COG5: variants seen among roughly 807,000 people sequenced by gnomAD.
COG5 encodes component of oligomeric golgi complex 5, also known as conserved oligomeric Golgi complex subunit 5.
COG5 carries 86 observed loss-of-function variants against 110.4 expected under a neutral mutation model. The observed-to-expected ratio is 0.78, with a 90% CI of 0.65 to 0.93. The LOEUF is 0.93. Among genes scored for constraint, COG5 ranks in the 40% least tolerant of loss-of-function variants. The pLI, the probability that COG5 is intolerant of heterozygous loss-of-function variation, is 0.00. For synonymous variants in COG5, 360 were observed against 334.6 expected (o/e 1.08, Z -0.83); for missense variants, 1,077 against 987.0 (o/e 1.09, Z -1.22).
chr7:107,220,213 G>C lies in COG5; in HGVS notation c.2169-8988C>G, dbSNP rs143086385. Among the ~76,000 whole-genome samples the C allele has an allele frequency of 3.1e-3, 474 of 152,280 alleles. 2 individuals are homozygous for C. The highest frequency in any genetic ancestry group is 4.8e-3 in the Non-Finnish European group (329 of 68,016). The stretch of plus-strand genomic sequence containing the variant: ...ATATACAGAAACAAAGACCTCTAGA[G>C]AAAGCACAATTTTGAACTGTCAACA... On this transcript the variant is annotated intron_variant, in intron 19 of 21. Coordinates refer to ENST00000297135, the MANE Select transcript of COG5 (RefSeq NM_006348.5).
At chr7:107,507,766 G>A (rs960683514) in intron 6 of COG5, among the ~76,000 whole-genome samples, 1 of 152,050 alleles carries the variant, frequency 6.6e-6, no homozygotes, top group Non-Finnish European at 1.5e-5. Flanking sequence ...TATAAGTATT[G>A]TTTTATCAGA....
chr7:107,383,479 G>C (rs1563001887), intron 7 of COG5, among the ~76,000 whole-genome samples: 1 of 152,216 alleles, frequency 6.6e-6, no homozygotes, highest in Non-Finnish European at 1.5e-5. Context: ...GGAACTCCAA[G>C]ATTACTGACA....
At chr7:107,360,901 A>G (rs1317035890) in intron 10 of COG5, among the ~76,000 whole-genome samples, 1 of 152,206 alleles carries the variant, frequency 6.6e-6, no homozygotes, top group Admixed American at 6.5e-5. Flanking sequence ...CCCAGCGGGC[A>G]TGAGCGATAT....
At chr7:107,423,091 T>C (rs998149249) in intron 6 of COG5, among the ~76,000 whole-genome samples, 1 of 148,332 alleles carries the variant, frequency 6.7e-6, no homozygotes, top group Non-Finnish European at 1.5e-5. Context: ...GCCTTAATCT[T>C]TGCAATACAA....
chr7:107,223,682 G>C (rs1343841470), intron 19 of COG5, among the ~76,000 whole-genome samples: 1 of 152,138 alleles, frequency 6.6e-6, no homozygotes. Context: ...TTCAAATCCT[G>C]TTCCGGGACC....
chr7:107,392,935 C>T (rs1354661079), intron 7 of COG5, among the ~76,000 whole-genome samples: 1 of 152,068 alleles, frequency 6.6e-6, no homozygotes, highest in Non-Finnish European at 1.5e-5. Flanking sequence ...TTAAAGTCTC[C>T]ATAAAAACTG....
chr7:107,375,320 G>A (rs1165531111), intron 7 of COG5, among the ~76,000 whole-genome samples: 3 of 151,886 alleles, frequency 2.0e-5, no homozygotes, highest in Admixed American at 6.6e-5. Flanking sequence ...AATTTATGCC[G>A]CCATGAACAT....
intron 6 of COG5, among the ~76,000 whole-genome samples, chr7:107,460,483 G>A (rs557752181): frequency 2.6e-5 from 4 of 151,916 alleles, no homozygotes; most frequent in East Asian, 1.9e-4. Flanking sequence ...TGAACTAAGC[G>A]ATATAAAATA....
At chr7:107,446,497 A>C (rs548943115) in intron 6 of COG5, among the ~76,000 whole-genome samples, 1 of 152,320 alleles carries the variant, frequency 6.6e-6, no homozygotes, top group South Asian at 2.1e-4. Context: ...CTGTAATGTA[A>C]TTCATTATTA....
At chr7:107,262,260 T>C (rs1803416615) in intron 14 of COG5, among the ~76,000 whole-genome samples, 1 of 152,212 alleles carries the variant, frequency 6.6e-6, no homozygotes, top group Admixed American at 6.5e-5. Flanking sequence ...CTTCTCATGC[T>C]ATCTCACAGG....
intron 16 of COG5, among the ~76,000 whole-genome samples, chr7:107,255,466 T>C (rs1207280661): frequency 6.6e-6 from 1 of 152,130 alleles, no homozygotes; most frequent in African/African-American, 2.4e-5. Context: ...TCCCTGTAAA[T>C]TCTAAAGCAT....
At chr7:107,327,074 C>G (rs1163278919) in intron 10 of COG5, among the ~76,000 whole-genome samples, 1 of 152,024 alleles carries the variant, frequency 6.6e-6, no homozygotes, top group Non-Finnish European at 1.5e-5. Flanking sequence ...GGAATCAAAA[C>G]AGTATGGTAC....
chr7:107,471,018 AAAG>A, intron 6 of COG5, among the ~76,000 whole-genome samples: 1 of 152,124 alleles, frequency 6.6e-6, no homozygotes, highest in Admixed American at 6.6e-5. Flanking sequence ...AATTTATTAC[AAAG>A]AAGAAATAAC....
At chr7:107,490,473 A>T (rs546906135) in intron 6 of COG5, among the ~76,000 whole-genome samples, 3 of 152,306 alleles carry the variant, frequency 2.0e-5, no homozygotes, top group South Asian at 4.1e-4. Context: ...GGGATGGGGA[A>T]TAGTATTTTT....
At chr7:107,465,328 A>AT (rs1192006072) in intron 6 of COG5, among the ~76,000 whole-genome samples, 2 of 152,182 alleles carry the variant, frequency 1.3e-5, no homozygotes, top group Non-Finnish European at 1.5e-5. Context: ...AAACAATTGG[A>AT]TTTTTTTAAA....
chr7:107,563,591 G>C, intron 1 of COG5: 1 of 564,912 alleles, frequency 1.8e-6, no homozygotes, highest in East Asian at 3.2e-5. Flanking sequence ...CAGAAACCAA[G>C]TGTCCCCAAG....
Position 107,201,388 on chromosome 7 carries a change from C to A in COG5, c.*2128G>T, listed in dbSNP as rs1226635697. On this transcript the variant is annotated 3_prime_UTR_variant, in exon 22 of 22. Coordinates refer to ENST00000297135, the MANE Select transcript of COG5 (RefSeq NM_006348.5). ...TACTATGTATTGATTTGTAAACATTCACTGAGTTTAATTTTATTTCCACAG... is the reference window on the plus strand; with the variant it reads ...TACTATGTATTGATTTGTAAACATTAACTGAGTTTAATTTTATTTCCACAG... 2.2e-5 allele frequency: 33 copies of A among 1,483,210 alleles called. No homozygotes were observed. The Admixed American group carries it at 5.3e-4, about 24-fold the overall frequency. 91.9% of individuals were successfully genotyped at this position (1,483,210 alleles called of 1,614,324 possible).
At chr7:107,383,968 A>G (rs1029976315) in intron 7 of COG5, among the ~76,000 whole-genome samples, 1 of 152,042 alleles carries the variant, frequency 6.6e-6, no homozygotes, top group Admixed American at 6.6e-5. Flanking sequence ...AAAAGGATAA[A>G]GTTTTTTTTG....
At chr7:107,517,142 C>A (rs1584923064) in intron 6 of COG5, among the ~76,000 whole-genome samples, 1 of 152,056 alleles carries the variant, frequency 6.6e-6, no homozygotes, top group African/African-American at 2.4e-5. Flanking sequence ...ACTAGAATAA[C>A]CAGTTTAGAG....
Sources: gnomAD v4.1 joint callset for allele counts (sites outside exome capture counted in the v4.1 genomes callset) on GRCh38, gnomAD v4.1.1 for gene constraint, MANE v1.5 for transcripts, NCBI Gene and HGNC (gene_info 2026-07-23, HGNC 2026-07-21) for gene names.